The following ATXN1 variants were observed in gnomAD, a reference collection of about 807,000 sequenced individuals.
ATXN1 encodes ataxin-1.
A neutral mutation model predicts 56.4 loss-of-function variants in ATXN1; 8 were observed. That is an observed-to-expected ratio of 0.14 (90% CI 0.08 to 0.26). The LOEUF (loss-of-function observed/expected upper bound fraction) is 0.26. ATXN1 is among the 10% of genes least tolerant of loss of function. The pLI is 1.00. For synonymous variants in ATXN1, 514 were observed against 494.6 expected (o/e 1.04, Z -0.52); for missense variants, 987 against 1,106.5 (o/e 0.89, Z 1.53).
intron 6 of ATXN1, among the ~76,000 whole-genome samples, chr6:16,464,970 T>C (rs774594905): frequency 7.2e-5 from 11 of 152,190 alleles, no homozygotes; most frequent in Non-Finnish European, 1.5e-4. Context: ...GGACACTGTT[T>C]GTCAGGGGTC....
chr6:16,346,542 T>C (rs939506490), intron 6 of ATXN1, among the ~76,000 whole-genome samples: 3 of 152,216 alleles, frequency 2.0e-5, no homozygotes, highest in Non-Finnish European at 2.9e-5. Flanking sequence ...CTTGATAATA[T>C]CGTTCTGACT....
intron 7 of ATXN1, among the ~76,000 whole-genome samples, chr6:16,322,879 T>A (rs1760707985): frequency 6.6e-6 from 1 of 152,210 alleles, no homozygotes; most frequent in African/African-American, 2.4e-5. Flanking sequence ...GACAAATCAT[T>A]GGTTGCGTCA....
chr6:16,694,401 G>A (rs145876861), intron 2 of ATXN1, among the ~76,000 whole-genome samples: 2,047 of 152,034 alleles, frequency 0.013, 31 homozygotes, highest in Middle Eastern at 0.027. Flanking sequence ...TTACAGGTGT[G>A]TGCCACCACG....
At chr6:16,340,803 T>C (rs1208469413) in intron 6 of ATXN1, among the ~76,000 whole-genome samples, 1 of 152,150 alleles carries the variant, frequency 6.6e-6, no homozygotes, top group African/African-American at 2.4e-5. Context: ...ATTAGGTTAA[T>C]CTAAATTGGT....
chr6:16,733,332 G>A (rs917960376), intron 2 of ATXN1, among the ~76,000 whole-genome samples: 5 of 151,248 alleles, frequency 3.3e-5, no homozygotes, highest in Admixed American at 6.6e-5. Flanking sequence ...AGGCCGAGGC[G>A]GGAGGATGGC....
At position 16,557,699 on chromosome 6, in the gene ATXN1, T is replaced by C. The variant is rs1762039844; in HGVS notation, c.-361+28081A>G. ...CAGAAAAGAGGTCGATCCAAATGAA[T>C]ACTGGACTTCAGTGAATGATATGGG... On this transcript the variant is annotated intron_variant, in intron 4 of 7. Transcript: ENST00000436367. Among the ~76,000 whole-genome samples the C allele has an allele frequency of 2.0e-5, 3 of 152,188 alleles. 1 individual carries two copies. The South Asian group carries it at 6.2e-4, about 32-fold the overall frequency.
At chr6:16,711,257 A>G (rs958222210) in intron 2 of ATXN1, among the ~76,000 whole-genome samples, 1 of 152,210 alleles carries the variant, frequency 6.6e-6, no homozygotes, top group African/African-American at 2.4e-5. Context: ...CTCATATCTT[A>G]ATTTGAAATG....
intron 5 of ATXN1, among the ~76,000 whole-genome samples, chr6:16,515,736 C>A (rs911072273): frequency 6.6e-6 from 1 of 152,150 alleles, no homozygotes; most frequent in African/African-American, 2.4e-5. Context: ...CTGGAAGCCC[C>A]TCTTCGTTGA....
intron 3 of ATXN1, among the ~76,000 whole-genome samples, chr6:16,654,788 G>A (rs1485639392): frequency 1.3e-5 from 2 of 152,104 alleles, no homozygotes; most frequent in Non-Finnish European, 2.9e-5. Context: ...GGTAAAGAGG[G>A]TTCCTATGTT....
chr6:16,345,050 G>C (rs1761347034), intron 6 of ATXN1, among the ~76,000 whole-genome samples: 1 of 152,122 alleles, frequency 6.6e-6, no homozygotes, highest in South Asian at 2.1e-4. Context: ...TTCTTATCTT[G>C]TGTCCATCTC....
chr6:16,440,360 A>C (rs1759489074), intron 6 of ATXN1, among the ~76,000 whole-genome samples: 2 of 152,084 alleles, frequency 1.3e-5, no homozygotes, highest in Admixed American at 1.3e-4. Context: ...ATCCCAATAA[A>C]AACATTCAGA....
chr6:16,449,828 T>C (rs1759717925), intron 6 of ATXN1, among the ~76,000 whole-genome samples: 1 of 152,160 alleles, frequency 6.6e-6, no homozygotes, highest in African/African-American at 2.4e-5. Flanking sequence ...GAATCAGGGT[T>C]TTCTCAATAC....
chr6:16,489,065 C>T (rs925322240), intron 5 of ATXN1, among the ~76,000 whole-genome samples: 3 of 152,194 alleles, frequency 2.0e-5, no homozygotes, highest in African/African-American at 7.2e-5. Context: ...ACCACACATT[C>T]TGACCCAAGG....
intron 2 of ATXN1, among the ~76,000 whole-genome samples, chr6:16,708,837 C>T (rs1177652707): frequency 6.6e-6 from 1 of 152,046 alleles, no homozygotes; most frequent in Non-Finnish European, 1.5e-5. Context: ...ACCAGCCTGG[C>T]CAACGTGGCG....
rs113199968 is a variant in ATXN1 at position 16,592,865 on chromosome 6, C to A, written c.-488-6958G>T. Among the ~76,000 whole-genome samples the A allele has an allele frequency of 4.7e-4, 3 of 6,366 alleles. 1 individual carries two copies. Among genetic ancestry groups the A allele is most frequent in the African/African-American group, 2.0e-3 (3 of 1,478 alleles). 4.2% of individuals were successfully genotyped at this position (6,366 alleles called of 152,430 possible). A position where few individuals can be genotyped will look rare whatever the true frequency, so the allele number is the denominator to read the frequency against. On this transcript the variant is annotated intron_variant, in intron 3 of 7. Transcript: ENST00000436367. ...GAGCAGGTTGCACTGGTGGCTGGTG[C>A]GGGTGGGGGTGGGGGGTTGGGGGGG... is the stretch of plus-strand genomic sequence containing the variant.
At chr6:16,586,957 G>A (rs1162772581) in intron 3 of ATXN1, among the ~76,000 whole-genome samples, 1 of 151,920 alleles carries the variant, frequency 6.6e-6, no homozygotes, top group Non-Finnish European at 1.5e-5. Context: ...GGCAGAGTTT[G>A]CAGTGAGCTG....
At chr6:16,379,204 A>C (rs908389828) in intron 6 of ATXN1, among the ~76,000 whole-genome samples, 1 of 152,202 alleles carries the variant, frequency 6.6e-6, no homozygotes, top group African/African-American at 2.4e-5. Flanking sequence ...TGTGAGAGCT[A>C]AGCTATGAGG....
At chr6:16,640,225 A>G (rs1374641531) in intron 3 of ATXN1, among the ~76,000 whole-genome samples, 1 of 152,204 alleles carries the variant, frequency 6.6e-6, no homozygotes, top group Non-Finnish European at 1.5e-5. Context: ...ATCTGAGATC[A>G]GTGCTCTTTG....
intron 6 of ATXN1, among the ~76,000 whole-genome samples, chr6:16,387,682 A>G (rs186092370): frequency 3.1e-4 from 47 of 152,308 alleles, no homozygotes; most frequent in African/African-American, 1.1e-3. Context: ...GTTATGAAAC[A>G]CTGCAACTTT....
Sources: gnomAD v4.1 joint callset for allele counts (sites outside exome capture counted in the v4.1 genomes callset) on GRCh38, gnomAD v4.1.1 for gene constraint, MANE v1.5 for transcripts, NCBI Gene and HGNC (gene_info 2026-07-23, HGNC 2026-07-21) for gene names.